The following TUBGCP3 variants were observed in gnomAD, a reference collection of about 807,000 sequenced individuals.
TUBGCP3 encodes tubulin gamma complex component 3.
A neutral mutation model predicts 123.1 loss-of-function variants in TUBGCP3; 50 were observed. The observed-to-expected ratio is 0.41, with a 90% confidence interval of 0.32 to 0.51. The LOEUF is 0.51. TUBGCP3 is among the 20% of genes least tolerant of loss of function. The pLI, the probability that TUBGCP3 is intolerant of heterozygous loss-of-function variation, is 0.36. For synonymous variants in TUBGCP3, 405 were observed against 413.9 expected (o/e 0.98, Z 0.26); for missense variants, 882 against 1,127.0 (o/e 0.78, Z 3.11).
chr13:112,558,612 T>G (rs1381288128), intron 4 of TUBGCP3, among the ~76,000 whole-genome samples, 199 bp from the exon 5 acceptor site: 1 of 152,186 alleles, frequency 6.6e-6, no homozygotes, highest in Non-Finnish European at 1.5e-5. Flanking sequence ...TTTTCTGAAC[T>G]CCAACAACCA....
intron 11 of TUBGCP3, among the ~76,000 whole-genome samples, chr13:112,532,879 G>T (rs1016023598): frequency 1.3e-5 from 2 of 152,324 alleles, no homozygotes; most frequent in African/African-American, 4.8e-5. Context: ...GTGGGCTAAA[G>T]GTCTATATCC....
the TUBGCP3 span, among the ~76,000 whole-genome samples, chr13:112,598,697 C>A: frequency 1.3e-5 from 2 of 151,996 alleles, no homozygotes; most frequent in Admixed American, 6.5e-5. Context: ...GTAATCCGAG[C>A]ACTTTGGGAG....
chr13:112,540,115 T>C (rs1315408675), intron 11 of TUBGCP3, among the ~76,000 whole-genome samples: 1 of 151,184 alleles, frequency 6.6e-6, no homozygotes, highest in African/African-American at 2.4e-5. Flanking sequence ...TCAGATGATC[T>C]TGGGAAAGGA....
intron 13 of TUBGCP3, among the ~76,000 whole-genome samples, chr13:112,523,704 G>T (rs184110795): frequency 6.6e-6 from 1 of 152,304 alleles, no homozygotes; most frequent in East Asian, 1.9e-4. Context: ...ATCAGTCTTA[G>T]CCCAAAGCAG....
Position 112,545,739 on chromosome 13 carries a change from C to T in TUBGCP3, c.1295G>A (p.Arg432His), listed in dbSNP as rs763469067. The T allele has an allele frequency of 2.0e-5, 32 of 1,613,966 alleles. No individual in the cohort carries two copies. The highest frequency in any genetic ancestry group is 1.6e-4 in the East Asian group (7 of 44,898). ...CTCAAGCTCCCCATCATATATCCAG[C>T]GGTACAGGAAGCTCAAAACAGGATG... ...VSHPVLSFLY[R>H]WIYDGELEDT... Residue 432 changes from arginine to histidine, a missense_variant, in exon 11 of 22, where the codon CGC (arginine) becomes CAC (histidine). Around this residue, in one of 3 missense-constraint regions of TUBGCP3, gnomAD observed 713 missense variants for 874.0 expected, o/e 0.82. Coordinates refer to ENST00000261965, the MANE Select transcript of TUBGCP3 (RefSeq NM_006322.6). This position sits in a 1 kb window ranked among gnomAD's most constrained non-coding sequence, Gnocchi z 4.1.
At chr13:112,550,931 T>C (rs1239612792) in intron 8 of TUBGCP3, among the ~76,000 whole-genome samples, 1 of 152,152 alleles carries the variant, frequency 6.6e-6, no homozygotes, top group East Asian at 1.9e-4. Context: ...ACCCCGTCTC[T>C]ATTAAAAATA....
At chr13:112,512,427 CA>C (rs35550857) in intron 17 of TUBGCP3, among the ~76,000 whole-genome samples, 128 of 39,474 alleles carry the variant, frequency 3.2e-3, no homozygotes, top group African/African-American at 8.0e-3. Context: ...GACTCTGTCT[CA>C]AAAAAAAAAA....
intron 11 of TUBGCP3, among the ~76,000 whole-genome samples, chr13:112,536,681 T>C (rs980803047): frequency 3.3e-5 from 5 of 152,236 alleles, no homozygotes; most frequent in African/African-American, 1.2e-4. Context: ...TAGACAGCTA[T>C]ACATACACCT....
chr13:112,581,692 C>T (rs763783623), intron 1 of TUBGCP3, among the ~76,000 whole-genome samples: 11 of 152,146 alleles, frequency 7.2e-5, no homozygotes, highest in Non-Finnish European at 7.4e-5. Flanking sequence ...GCAATCCTCC[C>T]GCCTTGGCCT....
chr13:112,493,423 C>G (rs1160965738), intron 20 of TUBGCP3, among the ~76,000 whole-genome samples: 9 of 147,312 alleles, frequency 6.1e-5, no homozygotes, highest in Admixed American at 1.4e-4. Flanking sequence ...CTGAGACACT[C>G]TGGCTATGGG....
intron 17 of TUBGCP3, among the ~76,000 whole-genome samples, chr13:112,515,864 C>T (rs543307922): frequency 4.1e-4 from 62 of 152,286 alleles, no homozygotes; most frequent in African/African-American, 1.4e-3. Context: ...CTGCTTTCTC[C>T]AAACAACTGC....
At chr13:112,503,585 C>T (rs1204873659) in intron 19 of TUBGCP3, among the ~76,000 whole-genome samples, 4 of 152,032 alleles carry the variant, frequency 2.6e-5, no homozygotes, top group African/African-American at 9.7e-5. Context: ...TCAGGCTAGT[C>T]TCGAACTCCC....
chr13:112,516,396 C>A (rs770632258), intron 17 of TUBGCP3, 44 bp downstream of exon 17: 1 of 1,508,528 alleles, frequency 6.6e-7, no homozygotes, highest in Non-Finnish European at 8.9e-7. Context: ...GGGCTGGAGG[C>A]CGCTGGGAGT....
rs780599200 is a variant in TUBGCP3, at chr13:112,588,031, G to A, written c.-51C>T. 82 of 1,371,962 alleles carry A rather than the reference G, an allele frequency of 6.0e-5. No homozygotes were observed. Among genetic ancestry groups the A allele is most frequent in the Middle Eastern group, 2.4e-4 (1 of 4,124 alleles). 85.0% of individuals were successfully genotyped at this position (1,371,962 alleles called of 1,614,324 possible). ...TCCGGGCAGAGCCGCCACTGCCGCCGCACGCGCAGGGACCGCGGCCCGCGC... is the reference window on the plus strand; with the variant it reads ...TCCGGGCAGAGCCGCCACTGCCGCCACACGCGCAGGGACCGCGGCCCGCGC... On this transcript the variant is annotated 5_prime_UTR_variant, in exon 1 of 22. Transcript: ENST00000261965.
upstream of TUBGCP3, chr13:112,588,184 C>G (rs1361020653): frequency 2.4e-6 from 1 of 419,610 alleles, no homozygotes; most frequent in African/African-American, 2.1e-5. Flanking sequence ...CGCTTCTTCC[C>G]TGCGCCGCGG....
chr13:112,573,806 AC>A (rs1258610168), intron 1 of TUBGCP3, among the ~76,000 whole-genome samples: 1 of 151,880 alleles, frequency 6.6e-6, no homozygotes, highest in Admixed American at 6.6e-5. Flanking sequence ...AGATCCCCCC[AC>A]CCCCACCACT....
In TUBGCP3 at chr13:112,572,260, TTTA is replaced by T. The variant is rs563912203; in HGVS notation, c.77-3004_77-3002del. Among the ~76,000 whole-genome samples the T allele has an allele frequency of 3.6e-3, 544 of 152,314 alleles. 5 individuals carry two copies. The highest frequency in any genetic ancestry group is 6.5e-3 in the Non-Finnish European group (444 of 68,034). ...TCATTTCACTTGAACACTAATTTCT[TTTA>T]TTATTATTTCTTCTAAAAAACAAAA... On this transcript the variant is annotated intron_variant, in intron 1 of 21. Transcript: ENST00000261965.
At chr13:112,486,684 G>A (rs192445597) in intron 21 of TUBGCP3, among the ~76,000 whole-genome samples, 18 of 152,294 alleles carry the variant, frequency 1.2e-4, no homozygotes, top group Admixed American at 5.2e-4. Context: ...TGTTACTGAG[G>A]GCGTTTTTAA....
intron 17 of TUBGCP3, among the ~76,000 whole-genome samples, chr13:112,513,653 C>A (rs867261197): frequency 6.6e-6 from 1 of 152,196 alleles, no homozygotes; most frequent in Non-Finnish European, 1.5e-5. Flanking sequence ...ACATTTCTAA[C>A]GCGCTGGATT....
Sources: allele counts gnomAD v4.1 joint callset (sites outside exome capture counted in the v4.1 genomes callset), GRCh38; gene constraint gnomAD v4.1.1; regional missense constraint gnomAD v4.1.1; non-coding constraint Gnocchi (gnomAD v3.1); transcripts MANE v1.5; gene names NCBI Gene and HGNC (gene_info 2026-07-23, HGNC 2026-07-21).